Variants in OPHN1 observed in about 807,000 individuals in gnomAD.
The protein encoded by OPHN1 is oligophrenin 1, also known as oligophrenin-1.
OPHN1 carries 11 observed loss-of-function variants against 60.7 expected under a neutral mutation model. The observed-to-expected ratio is 0.18, with a 90% CI of 0.11 to 0.30. OPHN1 has a LOEUF of 0.30. Ranked by LOEUF, OPHN1 falls within the 10% of genes least tolerant of loss-of-function variation. The pLI, the probability that OPHN1 is intolerant of heterozygous loss-of-function variation, is 1.00. For synonymous variants in OPHN1, 226 were observed against 222.6 expected, an observed-to-expected ratio of 1.02 and a Z score of -0.14; for missense variants, 449 against 611.0, an observed-to-expected ratio of 0.73 and a Z score of 2.80.
chrX:68,266,824 T>C (rs939166398), intron 5 of OPHN1, among the ~76,000 whole-genome samples: 2 of 110,845 alleles, frequency 1.8e-5, no homozygotes, highest in African/African-American at 3.3e-5. Flanking sequence ...AATAAAGGGA[T>C]GGAAGAAGAT....
intron 15 of OPHN1, among the ~76,000 whole-genome samples, chrX:68,152,479 A>G (rs1490267881): frequency 9.4e-6 from 1 of 105,986 alleles, no homozygotes; most frequent in East Asian, 3.0e-4. Context: ...GACAGAGTGT[A>G]GCCCCGAGAC....
At chrX:68,212,343 T>C in intron 7 of OPHN1, 131 bp from the exon 8 acceptor site, 1 of 490,461 alleles carries the variant, frequency 2.0e-6, no homozygotes, top group Non-Finnish European at 3.6e-6. Context: ...TCCCTGCACT[T>C]TGGGAGGCCG....
At chrX:68,333,663 G>A (rs907138595) in intron 2 of OPHN1, among the ~76,000 whole-genome samples, 7 of 108,241 alleles carry the variant, frequency 6.5e-5, no homozygotes, top group African/African-American at 1.0e-4. Flanking sequence ...AATAAAGCGC[G>A]CGTGCGTGCA....
intron 2 of OPHN1, among the ~76,000 whole-genome samples, chrX:68,419,434 C>T (rs1310009640): frequency 1.8e-5 from 2 of 110,718 alleles, no homozygotes; most frequent in East Asian, 5.6e-4. Context: ...TCACAGGTAA[C>T]TTGGGCTAAA....
chrX:68,429,282 T>G (rs1439414568), intron 2 of OPHN1, among the ~76,000 whole-genome samples: 1 of 110,344 alleles, frequency 9.1e-6, no homozygotes, highest in Non-Finnish European at 1.9e-5. Context: ...AAAATTTAAC[T>G]GGGCGTGGTG....
At chrX:68,163,289 T>G in intron 15 of OPHN1, among the ~76,000 whole-genome samples, 1 of 111,603 alleles carries the variant, frequency 9.0e-6, no homozygotes, top group East Asian at 2.8e-4. Context: ...TGAATTTTTT[T>G]TTGTTGTTTA....
At chrX:68,083,435 T>G (rs1189881010) in intron 19 of OPHN1, among the ~76,000 whole-genome samples, 1 of 111,938 alleles carries the variant, frequency 8.9e-6, no homozygotes, top group Non-Finnish European at 1.9e-5. Flanking sequence ...CTTCACAGAT[T>G]GAAGAGTTAC....
intron 2 of OPHN1, among the ~76,000 whole-genome samples, chrX:68,380,725 T>C (rs1279609293): frequency 9.0e-6 from 1 of 111,607 alleles, no homozygotes; most frequent in Non-Finnish European, 1.9e-5. Context: ...TCAGTTTCCA[T>C]GTAGTAGAGT....
Position 68,073,221 on chromosome X carries a change from T to G in OPHN1, c.1765A>C (p.Ile589Leu). The change falls in exon 20 of 25, where the codon ATC becomes CTC. Residue 589 changes from isoleucine (I) to leucine (L), a missense_variant. By Grantham distance (5) the Ile-to-Leu change is conservative. Around this residue, in one of 4 missense-constraint regions of OPHN1, gnomAD observed 166 missense variants for 278.4 expected, o/e 0.60. Transcript: ENST00000355520. ...CGCAGCAAGCGCTTTGAAATCGTGA[T>G]TGGTTTGTGCCTTCTTGCTGTCACC... Reference protein sequence around the residue: ...PRVTARRHKPITISKRLLRER... With the variant: ...PRVTARRHKPLTISKRLLRER... 1 of 1,211,702 alleles carries G rather than the reference T, an allele frequency of 8.3e-7. No individual in the cohort carries two copies.
At chrX:68,217,071 G>A (rs992056475) in intron 6 of OPHN1, among the ~76,000 whole-genome samples, 40 of 111,450 alleles carry the variant, frequency 3.6e-4, no homozygotes, top group Middle Eastern at 9.2e-3. Flanking sequence ...GTGGGTGCGC[G>A]CACCGTGCGC....
At chrX:68,186,903 C>G (rs1269259084) in intron 15 of OPHN1, among the ~76,000 whole-genome samples, 1 of 111,768 alleles carries the variant, frequency 8.9e-6, no homozygotes, top group Non-Finnish European at 1.9e-5. Context: ...ACCTCCAAAA[C>G]CAATACCAAT....
intron 6 of OPHN1, among the ~76,000 whole-genome samples, chrX:68,230,758 T>C (rs1166880073): frequency 3.5e-5 from 2 of 57,213 alleles, no homozygotes; most frequent in Non-Finnish European, 5.9e-5. Flanking sequence ...ACACTGGAGC[T>C]TGACGTGGGG....
At chrX:68,157,446 A>G (rs2077314357) in intron 15 of OPHN1, among the ~76,000 whole-genome samples, 1 of 112,182 alleles carries the variant, frequency 8.9e-6, no homozygotes, top group African/African-American at 3.2e-5. Context: ...ATGCAGCTGG[A>G]GGCCATAATT....
intron 2 of OPHN1, among the ~76,000 whole-genome samples, chrX:68,365,685 C>T (rs889574189): frequency 2.7e-5 from 3 of 111,028 alleles, no homozygotes; most frequent in African/African-American, 9.8e-5. Context: ...GAGAATGTCA[C>T]TGAGCCCACT....
chrX:68,294,430 G>A (rs1187064859), intron 3 of OPHN1, among the ~76,000 whole-genome samples: 5 of 86,215 alleles, frequency 5.8e-5, no homozygotes, highest in Non-Finnish European at 8.4e-5. Flanking sequence ...TCGAGATCAC[G>A]CCACTGCACT....
At chrX:68,206,023 C>G (rs771997386) in intron 10 of OPHN1, among the ~76,000 whole-genome samples, 1 of 83,528 alleles carries the variant, frequency 1.2e-5, no homozygotes, top group Non-Finnish European at 2.5e-5. Flanking sequence ...TGTAAAAGAT[C>G]AGGTTCTTCC....
At chrX:68,227,971 A>G (rs950110981) in intron 6 of OPHN1, among the ~76,000 whole-genome samples, 2 of 111,339 alleles carry the variant, frequency 1.8e-5, no homozygotes, top group African/African-American at 6.5e-5. Context: ...AATCCAGGAG[A>G]TGGTTTTTTG....
At chrX:68,286,114 A>G (rs1305049811) in intron 3 of OPHN1, among the ~76,000 whole-genome samples, 1 of 111,172 alleles carries the variant, frequency 9.0e-6, no homozygotes, top group African/African-American at 3.3e-5. Flanking sequence ...TAATTTTTTA[A>G]AAGTTAACAT....
At chrX:68,124,756 C>T (rs1414165318) in intron 15 of OPHN1, among the ~76,000 whole-genome samples, 1 of 110,797 alleles carries the variant, frequency 9.0e-6, no homozygotes, top group African/African-American at 3.3e-5. Flanking sequence ...AGCAGCCCTC[C>T]CATCTCAGCC....
Sources: gnomAD v4.1 joint callset for allele counts (sites outside exome capture counted in the v4.1 genomes callset) on GRCh38, gnomAD v4.1.1 for gene constraint, gnomAD v4.1.1 regional missense constraint, MANE v1.5 for transcripts, NCBI Gene and HGNC (gene_info 2026-07-23, HGNC 2026-07-21) for gene names.